ZNF248: variants seen among roughly 807,000 people sequenced by gnomAD.
ZNF248 encodes zinc finger protein 248.
Under a neutral mutation model 44.3 loss-of-function variants are expected in ZNF248, and 20 were observed. That is an observed-to-expected ratio of 0.45 (90% CI 0.32 to 0.66). ZNF248 has a LOEUF of 0.66. ZNF248 is among the 30% of genes least tolerant of loss of function. ZNF248 has a pLI of 0.04. For synonymous variants in ZNF248, 224 were observed against 229.0 expected, an observed-to-expected ratio of 0.98 and a Z score of 0.20; for missense variants, 654 against 677.0, an observed-to-expected ratio of 0.97 and a Z score of 0.38.
At chr10:37,776,324 A>G (rs1048605088), downstream of ZNF248, 9 of 350,872 alleles carry the variant, frequency 2.6e-5, no homozygotes, top group Non-Finnish European at 4.6e-5. Context: ...CAAACCTTTC[A>G]TCATAGTGGG....
At chr10:37,805,600 A>G (rs573416051) in intron 6 of ZNF248, among the ~76,000 whole-genome samples, 1 of 152,302 alleles carries the variant, frequency 6.6e-6, no homozygotes, top group African/African-American at 2.4e-5. Flanking sequence ...TTCTTGATTT[A>G]CAAATCGCTG....
At chr10:37,855,744 G>T (rs1454949048) in intron 3 of ZNF248, among the ~76,000 whole-genome samples, 1 of 152,226 alleles carries the variant, frequency 6.6e-6, no homozygotes, top group Non-Finnish European at 1.5e-5. Flanking sequence ...AACTGATTCA[G>T]GTGAGTTTAG....
At chr10:37,834,181 C>G (rs1412813303) in intron 5 of ZNF248, among the ~76,000 whole-genome samples, 1 of 152,004 alleles carries the variant, frequency 6.6e-6, no homozygotes, top group African/African-American at 2.4e-5. Context: ...ATAATGATAG[C>G]AAAAATCTCT....
At chr10:37,786,514 C>T (rs909702915) in intron 6 of ZNF248, among the ~76,000 whole-genome samples, 1 of 152,004 alleles carries the variant, frequency 6.6e-6, no homozygotes, top group Non-Finnish European at 1.5e-5. Context: ...GTGCTATATG[C>T]ATTATATGAC....
At chr10:37,807,796 T>G (rs973678512) in intron 6 of ZNF248, among the ~76,000 whole-genome samples, 1 of 152,196 alleles carries the variant, frequency 6.6e-6, no homozygotes, top group African/African-American at 2.4e-5. Context: ...TTTTAGTGGA[T>G]GGACTCTTTA....
At chr10:37,845,380 T>TA (rs34800175) in intron 3 of ZNF248, among the ~76,000 whole-genome samples, 9,712 of 135,482 alleles carry the variant, frequency 0.072, 362 homozygotes, top group Middle Eastern at 0.12. Flanking sequence ...AGAATGGATT[T>TA]AAAAAAAAAA....
intron 6 of ZNF248, chr10:37,820,912 C>G: frequency 6.5e-7 from 1 of 1,529,884 alleles, no homozygotes; most frequent in Non-Finnish European, 9.0e-7. Flanking sequence ...CTTACTAATA[C>G]CTACTCTAGT....
At chr10:37,783,394 G>A (rs2047532643) in intron 6 of ZNF248, among the ~76,000 whole-genome samples, 1 of 152,098 alleles carries the variant, frequency 6.6e-6, no homozygotes, top group Admixed American at 6.6e-5. Context: ...CTAAATATAG[G>A]AGATAAAACC....
At position 37,828,938 on chromosome 10, in the gene ZNF248, C is replaced by G. The variant is rs567303343; in HGVS notation, c.*2677G>C. On this transcript the variant is annotated 3_prime_UTR_variant, in exon 6 of 6. Transcript: ENST00000395867. ...TCCAAAGGGAGTTTACTTATGCTAA[C>G]AGGAAAGCAGAACAAACAGAAACAC... is the stretch of plus-strand genomic sequence containing the variant. The G allele has an allele frequency of 1.8e-5, 18 of 985,372 alleles. No homozygotes were observed. In the Admixed American group the frequency reaches 4.3e-4, roughly 24 times the overall value. The allele number at this position is 985,372 out of a possible 1,614,324, so 61.0% of individuals were successfully genotyped here.
intron 6 of ZNF248, among the ~76,000 whole-genome samples, chr10:37,777,173 C>A (rs1167600811): frequency 6.6e-6 from 1 of 152,112 alleles, no homozygotes; most frequent in Non-Finnish European, 1.5e-5. Context: ...GCACATTCTA[C>A]AAACCTGCAG....
At chr10:37,799,190 T>C (rs1208715) in intron 6 of ZNF248, among the ~76,000 whole-genome samples, 9,109 of 152,070 alleles carry the variant, frequency 0.06, 348 homozygotes, top group Middle Eastern at 0.095. Flanking sequence ...AACTACAGAT[T>C]AAAGATTTTA....
intron 6 of ZNF248, among the ~76,000 whole-genome samples, chr10:37,814,264 C>CA (rs375792446): frequency 3.2e-4 from 49 of 152,142 alleles, no homozygotes; most frequent in Middle Eastern, 3.4e-3. Context: ...CAATAACATA[C>CA]AAAAAACTCC....
chr10:37,781,397 A>G (rs754526125), intron 6 of ZNF248, among the ~76,000 whole-genome samples: 16 of 152,188 alleles, frequency 1.1e-4, no homozygotes, highest in East Asian at 7.7e-4. Flanking sequence ...GCTGTTACCC[A>G]TAAGTCAGTG....
At chr10:37,823,744 T>C (rs1195342653) in intron 6 of ZNF248, among the ~76,000 whole-genome samples, 1 of 151,998 alleles carries the variant, frequency 6.6e-6, no homozygotes, top group Non-Finnish European at 1.5e-5. Flanking sequence ...TGGCTAATTT[T>C]TGTATTTTTA....
the ZNF248 span, among the ~76,000 whole-genome samples, chr10:37,762,216 G>C: frequency 6.6e-6 from 1 of 152,156 alleles, no homozygotes; most frequent in Non-Finnish European, 1.5e-5. Context: ...ACCTACAAAA[G>C]CTCCTACAAA....
intron 6 of ZNF248, among the ~76,000 whole-genome samples, chr10:37,814,854 T>A (rs2052158185): frequency 6.6e-6 from 1 of 152,362 alleles, no homozygotes; most frequent in Non-Finnish European, 1.5e-5. Flanking sequence ...TTGATTATAA[T>A]GTGCCTCAGT....
chr10:37,772,354 G>A (rs112479081), downstream of ZNF248, among the ~76,000 whole-genome samples: 8 of 152,082 alleles, frequency 5.3e-5, no homozygotes, highest in East Asian at 1.9e-4. Context: ...AGAACCAACT[G>A]TATGCACTGT....
chr10:37,856,200 G>T, intron 3 of ZNF248, 96 bp downstream of exon 3: 5 of 1,362,074 alleles, frequency 3.7e-6, no homozygotes, highest in South Asian at 1.4e-5. Flanking sequence ...GTCAATTTTT[G>T]CCTATTTCTA....
downstream of ZNF248, among the ~76,000 whole-genome samples, chr10:37,772,560 G>A (rs565491703): frequency 3.9e-5 from 6 of 152,294 alleles, no homozygotes; most frequent in East Asian, 1.2e-3. Context: ...GTAAATATGG[G>A]TAAATACTTG....
Sources: allele counts gnomAD v4.1 joint callset (sites outside exome capture counted in the v4.1 genomes callset), GRCh38; gene constraint gnomAD v4.1.1; transcripts MANE v1.5; gene names NCBI Gene and HGNC (gene_info 2026-07-23, HGNC 2026-07-21).